Variants in SH3PXD2A observed in about 807,000 individuals in gnomAD.
The protein encoded by SH3PXD2A is SH3 and PX domains 2A.
Under a neutral mutation model 115.2 loss-of-function variants are expected in SH3PXD2A, and 32 were observed. That is an observed-to-expected ratio of 0.28 (90% CI 0.21 to 0.37). The LOEUF (loss-of-function observed/expected upper bound fraction) is 0.37, where lower values mean the gene tolerates loss of function less well. Among genes scored for constraint, SH3PXD2A ranks in the 10% least tolerant of loss-of-function variants. The probability of loss-of-function intolerance (pLI) is 1.00; values close to 1 mark genes in which losing one functional copy is unlikely to be tolerated. For missense variants in SH3PXD2A, 1,328 were observed against 1,498.7 expected (o/e 0.89, Z 1.88); for synonymous variants, 610 against 629.1 (o/e 0.97, Z 0.45).
intron 3 of SH3PXD2A, chr10:103,736,767 G>A (rs1175983269): frequency 7.8e-7 from 1 of 1,289,266 alleles, no homozygotes; most frequent in Non-Finnish European, 1.0e-6. Flanking sequence ...CTTGGCACAT[G>A]ATGAAGTGCT....
chr10:103,823,691 G>A (rs1025528740), intron 1 of SH3PXD2A, among the ~76,000 whole-genome samples: 10 of 152,210 alleles, frequency 6.6e-5, no homozygotes, highest in East Asian at 1.9e-4. Context: ...TTCCAGTCCC[G>A]GTGGGACTGA....
intron 5 of SH3PXD2A, among the ~76,000 whole-genome samples, chr10:103,710,625 G>A (rs139731901): frequency 5.3e-5 from 8 of 152,248 alleles, no homozygotes; most frequent in South Asian, 2.1e-4. Context: ...GTAATGTCCC[G>A]GCCCTCAGGG....
intron 8 of SH3PXD2A, among the ~76,000 whole-genome samples, chr10:103,632,468 G>A (rs2036794714): frequency 1.3e-5 from 2 of 152,202 alleles, no homozygotes; most frequent in African/African-American, 2.4e-5. Context: ...GCAGCCATGG[G>A]TGGGGTCAGC....
intron 3 of SH3PXD2A, among the ~76,000 whole-genome samples, chr10:103,749,000 C>T (rs1462329727): frequency 1.3e-5 from 2 of 151,632 alleles, no homozygotes; most frequent in African/African-American, 2.4e-5. Flanking sequence ...GACAGAGTCT[C>T]GCTCTGTTAC....
At chr10:103,845,161 CAA>C (rs1049547339) in intron 1 of SH3PXD2A, among the ~76,000 whole-genome samples, 3 of 145,930 alleles carry the variant, frequency 2.1e-5, no homozygotes, top group Admixed American at 6.8e-5. Context: ...CCATCTCCAC[CAA>C]AAAAAAAAAA....
At chr10:103,676,437 C>G (rs1401773507) in intron 6 of SH3PXD2A, among the ~76,000 whole-genome samples, 1 of 152,160 alleles carries the variant, frequency 6.6e-6, no homozygotes, top group Non-Finnish European at 1.5e-5. Flanking sequence ...GGGTGCCTGC[C>G]TAGGCCAAGC....
At chr10:103,621,688 G>C (rs1256933356) in intron 10 of SH3PXD2A, among the ~76,000 whole-genome samples, 5 of 152,144 alleles carry the variant, frequency 3.3e-5, no homozygotes, top group Non-Finnish European at 7.4e-5. Context: ...ATGTTTAAGG[G>C]TTTGTTCAGC....
At chr10:103,638,855 A>C (rs1279496997) in intron 8 of SH3PXD2A, among the ~76,000 whole-genome samples, 3 of 152,230 alleles carry the variant, frequency 2.0e-5, no homozygotes, top group Admixed American at 6.5e-5. Context: ...CCAGGGAAGC[A>C]GGTAGGTCTT....
At chr10:103,820,908 A>G (rs1771568639) in intron 1 of SH3PXD2A, among the ~76,000 whole-genome samples, 1 of 152,172 alleles carries the variant, frequency 6.6e-6, no homozygotes. Context: ...GGGAAGCCCA[A>G]TGTGTACAGC....
chr10:103,840,146 A>T (rs2039583287), intron 1 of SH3PXD2A, among the ~76,000 whole-genome samples: 1 of 152,224 alleles, frequency 6.6e-6, no homozygotes, highest in Non-Finnish European at 1.5e-5. Context: ...ACTGGTTAGG[A>T]CCCATCTCAT....
chr10:103,730,455 C>T (rs1589433031), intron 4 of SH3PXD2A, among the ~76,000 whole-genome samples: 1 of 151,990 alleles, frequency 6.6e-6, no homozygotes, highest in East Asian at 1.9e-4. Context: ...CCTGCTTGGA[C>T]TGTTCTTTCT....
intron 3 of SH3PXD2A, chr10:103,754,874 G>A (rs939005770): frequency 1.3e-5 from 2 of 152,186 alleles, no homozygotes; most frequent in East Asian, 1.9e-4. Flanking sequence ...TTTGTATTAT[G>A]TGAATGAACT....
At chr10:103,682,657 G>A (rs1021810634) in intron 6 of SH3PXD2A, among the ~76,000 whole-genome samples, 4 of 152,070 alleles carry the variant, frequency 2.6e-5, no homozygotes, top group South Asian at 4.2e-4. Flanking sequence ...TTCAGGAGGC[G>A]GAGGCAGGAG....
chr10:103,781,983 G>A (rs11191806), intron 2 of SH3PXD2A, among the ~76,000 whole-genome samples: 6,470 of 152,226 alleles, frequency 0.043, 444 homozygotes, highest in East Asian at 0.29. Context: ...GGAACCCACC[G>A]CCTCTCTGAA....
Position 103,799,474 on chromosome 10 carries a change from G to A in SH3PXD2A, c.153+1808C>T, listed in dbSNP as rs566958184. On this transcript the variant is annotated intron_variant, in intron 2 of 14. Transcript: ENST00000369774. Reference sequence around the variant, plus strand: ...TGGCCAAGCTCATGGCCATTGCCAAGCTAGGGCCAGCACACTGCACTAGCT... The same window carrying A: ...TGGCCAAGCTCATGGCCATTGCCAAACTAGGGCCAGCACACTGCACTAGCT... Among the ~76,000 whole-genome samples, 27 of 152,402 alleles carry A rather than the reference G, an allele frequency of 1.8e-4. No homozygotes were observed. The South Asian group carries it at 4.6e-3, about 26-fold the overall frequency.
chr10:103,734,778 T>A (rs1329608173), intron 4 of SH3PXD2A, among the ~76,000 whole-genome samples: 3 of 152,200 alleles, frequency 2.0e-5, no homozygotes, highest in East Asian at 1.9e-4. Flanking sequence ...TAAAAATTTT[T>A]AAAAAATAAA....
intron 5 of SH3PXD2A, among the ~76,000 whole-genome samples, chr10:103,707,868 C>T (rs940697317): frequency 6.6e-6 from 1 of 152,158 alleles, no homozygotes; most frequent in Non-Finnish European, 1.5e-5. Flanking sequence ...CCCTCCTGCC[C>T]TCCTCTGCTG....
chr10:103,812,105 G>A (rs958946996), intron 1 of SH3PXD2A, among the ~76,000 whole-genome samples: 2 of 152,216 alleles, frequency 1.3e-5, no homozygotes, highest in African/African-American at 4.8e-5. Context: ...TGTCACCACT[G>A]GGACATTCTC....
chr10:103,734,715 C>T (rs1028462605), intron 4 of SH3PXD2A, among the ~76,000 whole-genome samples: 5 of 152,212 alleles, frequency 3.3e-5, no homozygotes, highest in African/African-American at 9.7e-5. Context: ...TGCCACTGCA[C>T]TCCAGCCTGG....
Sources: allele counts gnomAD v4.1 joint callset (sites outside exome capture counted in the v4.1 genomes callset), GRCh38; gene constraint gnomAD v4.1.1; transcripts MANE v1.5; gene names NCBI Gene and HGNC (gene_info 2026-07-23, HGNC 2026-07-21).